TSPAN9: variants seen among roughly 807,000 people sequenced by gnomAD.
TSPAN9 encodes the protein tetraspanin-9.
TSPAN9 carries 16 observed loss-of-function variants against 31.0 expected under a neutral mutation model. The observed-to-expected ratio is 0.52, with a 90% CI of 0.35 to 0.78. The LOEUF (loss-of-function observed/expected upper bound fraction) is 0.78. Among genes scored for constraint, TSPAN9 ranks in the 30% least tolerant of loss-of-function variants. TSPAN9 has a pLI of 0.01. For synonymous variants in TSPAN9, 145 were observed against 121.6 expected (o/e 1.19, Z -1.27); for missense variants, 272 against 312.5 (o/e 0.87, Z 0.98).
intron 3 of TSPAN9, among the ~76,000 whole-genome samples, chr12:3,229,120 G>A (rs1401627860): frequency 1.3e-5 from 2 of 152,174 alleles, no homozygotes; most frequent in African/African-American, 2.4e-5. Flanking sequence ...AGGTTCCAGG[G>A]ATTAGGACAT....
chr12:3,259,740 C>T (rs1365275046), intron 3 of TSPAN9, among the ~76,000 whole-genome samples: 1 of 152,186 alleles, frequency 6.6e-6, no homozygotes, highest in Non-Finnish European at 1.5e-5. Flanking sequence ...AGTGGGAACC[C>T]AGCACGGGGG....
chr12:3,256,050 C>G (rs1862339064), intron 3 of TSPAN9, among the ~76,000 whole-genome samples: 1 of 152,128 alleles, frequency 6.6e-6, no homozygotes, highest in South Asian at 2.1e-4. Context: ...CCTCCTGCAC[C>G]CAGATCTAGG....
chr12:3,171,948 G>T (rs1043825393), intron 2 of TSPAN9: 2 of 152,134 alleles, frequency 1.3e-5, no homozygotes, highest in African/African-American at 4.8e-5. Flanking sequence ...TTCCATGGAG[G>T]GTCGAAACTG....
intron 2 of TSPAN9, among the ~76,000 whole-genome samples, chr12:3,180,484 A>T (rs199526219): frequency 1.5e-5 from 1 of 68,330 alleles, no homozygotes. Context: ...ATCTAAAAGA[A>T]AAAAAAAAAA....
chr12:3,175,835 C>G (rs917433753), intron 2 of TSPAN9, among the ~76,000 whole-genome samples: 4 of 152,140 alleles, frequency 2.6e-5, no homozygotes, highest in Non-Finnish European at 5.9e-5. Flanking sequence ...TAACACCGAC[C>G]CTGGAATCAA....
At chr12:3,136,424 A>G (rs490316) in intron 2 of TSPAN9, among the ~76,000 whole-genome samples, 125,412 of 152,162 alleles carry the variant, frequency 0.82, 51,887 homozygotes, top group East Asian at 0.92. Context: ...TGTCTCATTG[A>G]TCTCCCCCAC....
At position 3,278,337 on chromosome 12, in the gene TSPAN9, A is replaced by C. The variant is rs963878765; in HGVS notation, c.64-84A>C. ...TCTCACTTTGTCTGTGTCTCAGAGC[A>C]TGGGGTGGGGACCTGCACTGTTCCC... On this transcript the variant is annotated intron_variant, in intron 3 of 8. Transcript: ENST00000011898. The C allele has an allele frequency of 2.6e-6, 4 of 1,537,272 alleles. No homozygotes were observed. In the East Asian group the frequency reaches 9.0e-5, roughly 35 times the overall value.
At chr12:3,209,697 C>A (rs539595664) in intron 3 of TSPAN9, among the ~76,000 whole-genome samples, 1 of 152,142 alleles carries the variant, frequency 6.6e-6, no homozygotes, top group South Asian at 2.1e-4. Flanking sequence ...CGGTGGCTCA[C>A]GCCTGTAATC....
chr12:3,162,417 G>A (rs2098345894), intron 2 of TSPAN9, among the ~76,000 whole-genome samples: 2 of 152,296 alleles, frequency 1.3e-5, no homozygotes, highest in Non-Finnish European at 2.9e-5. Flanking sequence ...GTCAGAACAG[G>A]AGGATGTGGG....
intron 2 of TSPAN9, chr12:3,149,670 A>C (rs552176680): frequency 6.0e-5 from 9 of 150,252 alleles, no homozygotes; most frequent in Non-Finnish European, 1.3e-4. Context: ...TCTGATCTCA[A>C]CACAGGACAG....
At chr12:3,281,439 G>A (rs1862892748) in intron 7 of TSPAN9, 110 bp downstream of exon 7, 7 of 1,421,996 alleles carry the variant, frequency 4.9e-6, no homozygotes, top group Non-Finnish European at 6.4e-6. Context: ...TTGGCTGAAT[G>A]TGGCGGTGGG....
chr12:3,090,354 T>G (rs2098303641), intron 2 of TSPAN9, among the ~76,000 whole-genome samples: 1 of 152,244 alleles, frequency 6.6e-6, no homozygotes, highest in South Asian at 2.1e-4. Context: ...GTTAGCCTTT[T>G]GGGCTGGTCT....
Position 3,284,848 on chromosome 12 carries a change from C to T in TSPAN9, c.*1732C>T, listed in dbSNP as rs1227770149. The stretch of plus-strand genomic sequence containing the variant: ...ACTGGGGCCAGGTCTCTTCTCCAGC[C>T]TCCACCTGCCTGTCTGATCCAAGAG... On this transcript the variant is annotated 3_prime_UTR_variant, in exon 9 of 9. Coordinates refer to ENST00000011898, the MANE Select transcript of TSPAN9 (RefSeq NM_006675.5). 2 of 152,358 alleles carry T rather than the reference C, an allele frequency of 1.3e-5. No homozygotes were observed. The highest frequency in any genetic ancestry group is 1.5e-5 in the Non-Finnish European group (1 of 68,160). 9.4% of individuals were successfully genotyped at this position (152,358 alleles called of 1,614,324 possible). A position where few individuals can be genotyped will look rare whatever the true frequency, so the allele number is the denominator to read the frequency against.
chr12:3,281,716 G>C lies in TSPAN9; in HGVS notation c.565-18G>C. 1 of 1,607,396 alleles carries C rather than the reference G, an allele frequency of 6.2e-7. No individual in the cohort carries two copies. The highest frequency in any genetic ancestry group is 2.2e-5 in the East Asian group (1 of 44,616). On this transcript the variant is annotated intron_variant, in intron 7 of 8. Coordinates refer to ENST00000011898, the MANE Select transcript of TSPAN9 (RefSeq NM_006675.5). ...ATGCTTGGGCTGGGACCCTAACCTC[G>C]TGGGCCTCGCTCCCCAGGGCTGCTA...
chr12:3,269,165 C>A (rs1170602986), intron 3 of TSPAN9, among the ~76,000 whole-genome samples: 1 of 106,736 alleles, frequency 9.4e-6, no homozygotes, highest in Non-Finnish European at 2.0e-5. Context: ...TCTGTGCGTT[C>A]CTGCAGCCTG....
At chr12:3,087,963 G>A (rs145441377) in intron 2 of TSPAN9, among the ~76,000 whole-genome samples, 1,632 of 152,272 alleles carry the variant, frequency 0.011, 18 homozygotes, top group Non-Finnish European at 0.018. Context: ...AAAGCTCTCC[G>A]ACAAGCCCTG....
At chr12:3,114,291 A>C (rs1409548995) in intron 2 of TSPAN9, among the ~76,000 whole-genome samples, 1 of 152,162 alleles carries the variant, frequency 6.6e-6, no homozygotes, top group African/African-American at 2.4e-5. Flanking sequence ...CCACACCATG[A>C]ATATTCTGCT....
intron 1 of TSPAN9, among the ~76,000 whole-genome samples, chr12:3,079,910 A>G (rs1028139825): frequency 6.6e-6 from 1 of 150,886 alleles, no homozygotes; most frequent in Non-Finnish European, 1.5e-5. Context: ...AGCTGGGACT[A>G]TAGGTACAGG....
At chr12:3,179,143 G>A (rs879188) in intron 2 of TSPAN9, among the ~76,000 whole-genome samples, 30,272 of 152,060 alleles carry the variant, frequency 0.2, 3,717 homozygotes, top group South Asian at 0.38. Flanking sequence ...CGGCCGAGAG[G>A]GCTCATTGTT....
Sources: gnomAD v4.1 joint callset for allele counts (sites outside exome capture counted in the v4.1 genomes callset) on GRCh38, gnomAD v4.1.1 for gene constraint, MANE v1.5 for transcripts, NCBI Gene and HGNC (gene_info 2026-07-23, HGNC 2026-07-21) for gene names.